Variants in TRMT11 observed in about 807,000 individuals in gnomAD.
The protein encoded by TRMT11 is tRNA (guanine(10)-N(2))-methyltransferase TRMT11.
Under a neutral mutation model 62.8 loss-of-function variants are expected in TRMT11, and 53 were observed. The ratio of observed to expected loss-of-function variants is 0.84; its 90% confidence interval spans 0.68 to 1.06. The LOEUF (loss-of-function observed/expected upper bound fraction) is 1.06, where lower values mean the gene tolerates loss of function less well. TRMT11 is among the 50% of genes least tolerant of loss of function. TRMT11 has a pLI of 0.00. For missense variants in TRMT11, 556 were observed against 553.4 expected (o/e 1.00, Z -0.05); for synonymous variants, 188 against 190.3 (o/e 0.99, Z 0.10).
chr6:126,091,489 C>T (rs1339877629), intron 17 of TRMT11, among the ~76,000 whole-genome samples: 1 of 152,198 alleles, frequency 6.6e-6, no homozygotes, highest in East Asian at 1.9e-4. Context: ...CACCAAGTTG[C>T]AGTGCCAGAG....
chr6:126,203,044 A>G (rs1321732276), downstream of TRMT11, among the ~76,000 whole-genome samples: 1 of 152,216 alleles, frequency 6.6e-6, no homozygotes, highest in African/African-American at 2.4e-5. Flanking sequence ...TGAGAAATAA[A>G]GCAGTAGGTC....
At chr6:126,013,224 T>G in intron 11 of TRMT11, 123 bp downstream of exon 11, 1 of 883,186 alleles carries the variant, frequency 1.1e-6, no homozygotes, top group Non-Finnish European at 1.7e-6. Flanking sequence ...TAATAGCCTT[T>G]GTTTGCCTTC....
chr6:126,167,812 C>T (rs542718006), intron 21 of TRMT11, among the ~76,000 whole-genome samples: 27 of 152,288 alleles, frequency 1.8e-4, no homozygotes, highest in South Asian at 8.3e-4. Flanking sequence ...TTTTCCACCT[C>T]GGACATATGT....
chr6:126,248,509 A>C, the TRMT11 span, among the ~76,000 whole-genome samples: 1 of 152,138 alleles, frequency 6.6e-6, no homozygotes, highest in Non-Finnish European at 1.5e-5. Flanking sequence ...ACAAGAAAAA[A>C]AAACAAAGTC....
intron 12 of TRMT11, among the ~76,000 whole-genome samples, chr6:126,023,437 C>T (rs1796119490): frequency 6.6e-6 from 1 of 152,122 alleles, no homozygotes; most frequent in Admixed American, 6.5e-5. Flanking sequence ...ATCATGAGGC[C>T]AGGAGTTCGA....
intron 1 of TRMT11, among the ~76,000 whole-genome samples, chr6:125,990,946 C>T (rs1240545252): frequency 2.0e-5 from 3 of 152,008 alleles, no homozygotes; most frequent in Non-Finnish European, 2.9e-5. Context: ...ATATTAGTTG[C>T]TTAAAAATTT....
At chr6:125,993,616 T>A in intron 1 of TRMT11, 141 bp from the exon 2 acceptor site, 1 of 446,514 alleles carries the variant, frequency 2.2e-6, no homozygotes, top group Non-Finnish European at 4.0e-6. Context: ...TAAATTGTAA[T>A]TGTCTGATGT....
At chr6:126,093,585 G>GTGTATATATATATATATA (rs1313520779) in intron 17 of TRMT11, among the ~76,000 whole-genome samples, 4 of 46,686 alleles carry the variant, frequency 8.6e-5, no homozygotes, top group African/African-American at 9.4e-5. Flanking sequence ...GGATATGTAT[G>GTGTATATATATATATATA]TATATATATA....
At chr6:126,144,349 G>A (rs1465759352) in intron 21 of TRMT11, among the ~76,000 whole-genome samples, 5 of 152,108 alleles carry the variant, frequency 3.3e-5, no homozygotes, top group Non-Finnish European at 5.9e-5. Context: ...AAAAATTGGC[G>A]TGAATTCATT....
At chr6:126,225,625 C>G in the TRMT11 span, among the ~76,000 whole-genome samples, 1 of 149,238 alleles carries the variant, frequency 6.7e-6, no homozygotes, top group Non-Finnish European at 1.5e-5. Flanking sequence ...CAAAACTGAT[C>G]TTATTAAAGG....
intron 21 of TRMT11, among the ~76,000 whole-genome samples, chr6:126,167,081 C>G (rs573619168): frequency 2.3e-4 from 35 of 152,228 alleles, no homozygotes; most frequent in African/African-American, 8.2e-4. Context: ...TGAGCAAGAC[C>G]TCTTGGCTCC....
chr6:126,170,600 T>G (rs1778319354), intron 21 of TRMT11, among the ~76,000 whole-genome samples: 1 of 151,970 alleles, frequency 6.6e-6, no homozygotes, highest in African/African-American at 2.4e-5. Flanking sequence ...CAAGGTGTGG[T>G]TCTCAGATGA....
intron 17 of TRMT11, among the ~76,000 whole-genome samples, chr6:126,067,419 C>T (rs1776725814): frequency 6.6e-6 from 1 of 152,150 alleles, no homozygotes; most frequent in Non-Finnish European, 1.5e-5. Context: ...TATAGTTTTA[C>T]CACTTAAGAT....
chr6:126,238,824 CATTATTATTGTGTGG>C, the TRMT11 span, among the ~76,000 whole-genome samples: 23 of 152,224 alleles, frequency 1.5e-4, no homozygotes, highest in African/African-American at 4.6e-4. Context: ...TAAAGTCTCC[CATTATTATTGTGTGG>C]GAGTCTAAGT....
chr6:126,241,208 C>T, the TRMT11 span, among the ~76,000 whole-genome samples: 7 of 152,162 alleles, frequency 4.6e-5, no homozygotes, highest in South Asian at 4.1e-4. Flanking sequence ...TGTGCTGCAC[C>T]CACTGTCTGA....
chr6:126,210,401 C>G, the TRMT11 span, among the ~76,000 whole-genome samples: 7 of 152,240 alleles, frequency 4.6e-5, no homozygotes, highest in African/African-American at 1.7e-4. Context: ...AAAGAGAACC[C>G]TAAGTTGTAG....
chr6:126,173,169 G>A (rs1272954867), upstream of TRMT11, among the ~76,000 whole-genome samples: 1 of 152,144 alleles, frequency 6.6e-6, no homozygotes, highest in African/African-American at 2.4e-5. Context: ...TTCTATTCTA[G>A]TAAAAAAGTT....
the TRMT11 span, among the ~76,000 whole-genome samples, chr6:126,237,805 G>C: frequency 2.6e-5 from 4 of 152,156 alleles, no homozygotes; most frequent in African/African-American, 9.7e-5. Context: ...TTTTCTAAAA[G>C]GGTCAGAAGA....
chr6:126,091,682 C>A (rs912238768), intron 17 of TRMT11, among the ~76,000 whole-genome samples: 2 of 152,174 alleles, frequency 1.3e-5, no homozygotes, highest in Non-Finnish European at 2.9e-5. Context: ...TGATGCTCAA[C>A]AGGAAAGGCC....
Sources: gnomAD v4.1 joint callset for allele counts (sites outside exome capture counted in the v4.1 genomes callset) on GRCh38, gnomAD v4.1.1 for gene constraint, MANE v1.5 for transcripts, NCBI Gene and HGNC (gene_info 2026-07-23, HGNC 2026-07-21) for gene names.